CXCL16: variants seen among roughly 807,000 people sequenced by gnomAD.
CXCL16 encodes the protein C-X-C motif chemokine 16.
CXCL16 carries 18 observed loss-of-function variants against 23.8 expected under a neutral mutation model. The ratio of observed to expected loss-of-function variants is 0.76; its 90% CI spans 0.52 to 1.12. The LOEUF (loss-of-function observed/expected upper bound fraction) is 1.12. Among genes scored for constraint, CXCL16 ranks in the 50% most tolerant of loss-of-function variants. The probability of loss-of-function intolerance (pLI) is 0.00; values close to 1 mark genes in which losing one functional copy is unlikely to be tolerated. For synonymous variants in CXCL16, 123 were observed against 132.5 expected, an observed-to-expected ratio of 0.93 and a Z score of 0.49; for missense variants, 297 against 315.4, an observed-to-expected ratio of 0.94 and a Z score of 0.44.
At position 4,734,617 on chromosome 17, in the gene CXCL16, A is replaced by C; in HGVS notation, c.754T>G (p.Ser252Ala). 1 of 1,611,840 alleles carries C rather than the reference A, an allele frequency of 6.2e-7. No homozygotes were observed. Residue 252 changes from serine to alanine, a missense_variant, in exon 5 of 6, where the codon TCT (serine) becomes GCT (alanine). Ser to Ala is a moderately conservative substitution (Grantham distance 99). Coordinates refer to ENST00000293778, the MANE Select transcript of CXCL16 (RefSeq NM_001386809.1). ...CTTCCATTCTTGGCTCAGGTATTAG[A>C]GTCAGGTGCCACAGGTATATAATGA... ...PVHYIPVAPD[S>A]NT
Position 4,733,589 on chromosome 17 carries a change from AAAGC to A in CXCL16, c.*910_*913del, listed in dbSNP as rs1742839187. On this transcript the variant is annotated 3_prime_UTR_variant, in exon 6 of 6. Coordinates refer to ENST00000293778, the MANE Select transcript of CXCL16 (RefSeq NM_001386809.1). ...AATGATAATAAAAGCAATAATAATA[AAAGC>A]AATAACAATAAAAACAAGATCAGAC... 6.0e-6 allele frequency: 1 copy of A among 166,514 alleles called. No individual in the cohort carries two copies. The highest frequency in any genetic ancestry group is 6.0e-5 in the Admixed American group (1 of 16,530). The allele number at this position is 166,514 out of a possible 1,614,324, so 10.3% of individuals were successfully genotyped here.
At chr17:4,737,575 T>TGAAAAAAAAAAA (rs1916192010) in intron 3 of CXCL16, among the ~76,000 whole-genome samples, 1 of 42,038 alleles carries the variant, frequency 2.4e-5, no homozygotes, top group Non-Finnish European at 4.4e-5. Context: ...AAGACTCCAT[T>TGAAAAAAAAAAA]AAAAAAAAAA....
In CXCL16 at chr17:4,739,863, C is replaced by T; in HGVS notation, c.-524G>A. 1 of 986,482 alleles carries T rather than the reference C, an allele frequency of 1.0e-6. No homozygotes were observed. The highest frequency in any genetic ancestry group is 1.2e-6 in the Non-Finnish European group (1 of 830,720). 61.1% of individuals were successfully genotyped at this position (986,482 alleles called of 1,614,324 possible). On this transcript the variant is annotated 5_prime_UTR_variant, in exon 1 of 6. Coordinates refer to ENST00000293778, the MANE Select transcript of CXCL16 (RefSeq NM_001386809.1). This position sits in a 1 kb window ranked among gnomAD's most constrained non-coding sequence, Gnocchi z 5.3. ...CGCTGCATGAGCCTCCCGGGCGGCC[C>T]GGTGGAGAGAGTCGCCGCCAGCCCC...
intron 3 of CXCL16, among the ~76,000 whole-genome samples, chr17:4,736,919 G>A (rs1289806422): frequency 6.6e-6 from 1 of 152,104 alleles, no homozygotes; most frequent in Non-Finnish European, 1.5e-5. Context: ...CCAGGTTCAA[G>A]TGATTCTCCT....
At chr17:4,737,441 A>G (rs1195146515) in intron 3 of CXCL16, among the ~76,000 whole-genome samples, 1 of 149,420 alleles carries the variant, frequency 6.7e-6, no homozygotes, top group Non-Finnish European at 1.5e-5. Context: ...TTAGCTGGGC[A>G]TGGTGGCGGG....
chr17:4,739,669 G>T lies in CXCL16; in HGVS notation c.-330C>A. 1.4e-6 allele frequency: 1 copy of T among 694,886 alleles called. No individual in the cohort carries two copies. The highest frequency in any genetic ancestry group is 2.1e-6 in the Non-Finnish European group (1 of 468,968). 43.0% of individuals were successfully genotyped at this position (694,886 alleles called of 1,614,324 possible). A position where few individuals can be genotyped will look rare whatever the true frequency, so the allele number is the denominator to read the frequency against. ...GAAACCGAAAGAAAACTCCGGCGGCGGGCGAGGAGGGGCGGGAGGACGACG... is the reference window on the plus strand; with the variant it reads ...GAAACCGAAAGAAAACTCCGGCGGCTGGCGAGGAGGGGCGGGAGGACGACG... On this transcript the variant is annotated 5_prime_UTR_variant, in exon 1 of 6. Coordinates refer to ENST00000293778, the MANE Select transcript of CXCL16 (RefSeq NM_001386809.1). This position sits in a 1 kb window ranked among gnomAD's most constrained non-coding sequence, Gnocchi z 5.3.
intron 4 of CXCL16, 148 bp downstream of exon 4, chr17:4,734,944 C>A: frequency 1.3e-6 from 1 of 783,204 alleles, no homozygotes; most frequent in Non-Finnish European, 2.0e-6. Context: ...ACTGACTGTC[C>A]TCAGAGGGCC....
At position 4,735,209 on chromosome 17, in the gene CXCL16, T is replaced by A; in HGVS notation, c.601A>T (p.Arg201Trp). Residue 201 changes from arginine to tryptophan, a missense_variant, in exon 4 of 6, where the codon AGG becomes TGG. Coordinates refer to ENST00000293778, the MANE Select transcript of CXCL16 (RefSeq NM_001386809.1). Reference sequence around the variant, plus strand: ...AGGACTGGCACTGTGGCTGATGTCCTGGCTGTGGGACCAGCATTTTTTTCC... The same window carrying A: ...AGGACTGGCACTGTGGCTGATGTCCAGGCTGTGGGACCAGCATTTTTTTCC... ...QPEKNAGPTA[R>W]TSATVPVLCL... 1 of 1,614,180 alleles carries A rather than the reference T, an allele frequency of 6.2e-7. No individual in the cohort carries two copies. The highest frequency in any genetic ancestry group is 8.5e-7 in the Non-Finnish European group (1 of 1,180,006).
Position 4,739,672 on chromosome 17 carries a change from C to T in CXCL16, c.-333G>A. On this transcript the variant is annotated 5_prime_UTR_variant, in exon 1 of 6. Transcript: ENST00000293778. This position sits in a 1 kb window ranked among gnomAD's most constrained non-coding sequence, Gnocchi z 5.3. ...ACCGAAAGAAAACTCCGGCGGCGGG[C>T]GAGGAGGGGCGGGAGGACGACGGCC... is the stretch of plus-strand genomic sequence containing the variant. 1.4e-6 allele frequency: 1 copy of T among 700,778 alleles called. No individual in the cohort carries two copies. The highest frequency in any genetic ancestry group is 2.1e-6 in the Non-Finnish European group (1 of 476,238). The allele number at this position is 700,778 out of a possible 1,614,324, so 43.4% of individuals were successfully genotyped here. A position where few individuals can be genotyped will look rare whatever the true frequency, so the allele number is the denominator to read the frequency against.
chr17:4,739,617 G>C lies in CXCL16; in HGVS notation c.-278C>G. On this transcript the variant is annotated 5_prime_UTR_variant, in exon 1 of 6. Coordinates refer to ENST00000293778, the MANE Select transcript of CXCL16 (RefSeq NM_001386809.1). This position sits in a 1 kb window ranked among gnomAD's most constrained non-coding sequence, Gnocchi z 5.3. The stretch of plus-strand genomic sequence containing the variant: ...GCGCCCCCGCACTGGGCCCGGCTCC[G>C]TCGAGGGAAGGCCAGGAATCTTGGA... The C allele has an allele frequency of 3.0e-6, 2 of 668,524 alleles. No homozygotes were observed. Among genetic ancestry groups the C allele is most frequent in the Non-Finnish European group, 4.7e-6 (2 of 427,396 alleles). The allele number at this position is 668,524 out of a possible 1,614,324, so 41.4% of individuals were successfully genotyped here. A position where few individuals can be genotyped will look rare whatever the true frequency, so the allele number is the denominator to read the frequency against.
chr17:4,737,592 A>G (rs1291743885), intron 3 of CXCL16, among the ~76,000 whole-genome samples: 1 of 148,820 alleles, frequency 6.7e-6, no homozygotes. Context: ...AAAAAAAAAA[A>G]AAAAAAAGAA....
In CXCL16 at chr17:4,738,963, G is replaced by A. The variant is rs1204625776; in HGVS notation, c.80-43C>T. 5 of 1,603,756 alleles carry A rather than the reference G, an allele frequency of 3.1e-6. No homozygotes were observed. Among genetic ancestry groups the A allele is most frequent in the Middle Eastern group, 3.3e-4 (2 of 6,000 alleles). On this transcript the variant is annotated intron_variant, in intron 1 of 5. Transcript: ENST00000293778. This position sits in a 1 kb window ranked among gnomAD's most constrained non-coding sequence, Gnocchi z 4.0. ...GGTCGGCACCCATTCCCAGGCCCAG[G>A]GTCCCCACTCCGCTGTTCCCTGGCA...
Position 4,735,427 on chromosome 17 carries a change from T to A in CXCL16, c.383A>T (p.Glu128Val). ...PTSPPISQASEGASSDIHTPA... is the reference protein window; with the variant it reads ...PTSPPISQASVGASSDIHTPA... ...GGTGTGGATATCTGAAGATGCCCCCTCTGAGGCCTGAGAAATTGGGGGGCT... is the reference window on the plus strand; with the variant it reads ...GGTGTGGATATCTGAAGATGCCCCCACTGAGGCCTGAGAAATTGGGGGGCT... The change falls in exon 4 of 6, where the codon GAG becomes GTG. Residue 128 changes from glutamate to valine, a missense_variant. Glu to Val is a moderately radical substitution (Grantham distance 121, BLOSUM62 -2). Coordinates refer to ENST00000293778, the MANE Select transcript of CXCL16 (RefSeq NM_001386809.1). 3 of 1,526,698 alleles carry A rather than the reference T, an allele frequency of 2.0e-6. No individual in the cohort carries two copies. The highest frequency in any genetic ancestry group is 2.6e-6 in the Non-Finnish European group (3 of 1,132,878). The allele number at this position is 1,526,698 out of a possible 1,614,324, so 94.6% of individuals were successfully genotyped here.
At position 4,734,539 on chromosome 17, in the gene CXCL16, A is replaced by G. The variant is rs1916093150; in HGVS notation, c.*23+44T>C. On this transcript the variant is annotated intron_variant, in intron 5 of 5. Coordinates refer to ENST00000293778, the MANE Select transcript of CXCL16 (RefSeq NM_001386809.1). ...AGTGCCTACCATGTTGTCAGGGGTC[A>G]GTCTCCTTTATTACACTTTTTGTAA... 5 of 1,292,920 alleles carry G rather than the reference A, an allele frequency of 3.9e-6. No individual in the cohort carries two copies. The East Asian group carries it at 1.2e-4, about 30-fold the overall frequency. The allele number at this position is 1,292,920 out of a possible 1,614,324, so 80.1% of individuals were successfully genotyped here.
At chr17:4,734,517 G>A in intron 5 of CXCL16, 38 bp from the exon 6 acceptor site, 1 of 1,050,610 alleles carries the variant, frequency 9.5e-7, no homozygotes, top group South Asian at 1.3e-5. Flanking sequence ...TGTATACAGT[G>A]CCTACCATGT....
chr17:4,738,622 G>A lies in CXCL16; in HGVS notation c.219-132C>T. On this transcript the variant is annotated intron_variant, in intron 2 of 5. Transcript: ENST00000293778. The surrounding 1 kb of genome is among the most constrained non-coding windows in gnomAD (Gnocchi z 4.0). ...GGGACTGGGAAACTCCCCAGTAGGT[G>A]AGACGGAGTCATGAAGTTTCGGGGA... 4.0e-6 allele frequency: 4 copies of A among 991,928 alleles called. No homozygotes were observed. The East Asian group carries it at 7.7e-5, about 19-fold the overall frequency. 61.4% of individuals were successfully genotyped at this position (991,928 alleles called of 1,614,324 possible).
chr17:4,739,026 C>A lies in CXCL16; in HGVS notation c.80-106G>T. 7.1e-7 allele frequency: 1 copy of A among 1,416,642 alleles called. No homozygotes were observed. The highest frequency in any genetic ancestry group is 9.5e-7 in the Non-Finnish European group (1 of 1,047,842). The allele number at this position is 1,416,642 out of a possible 1,614,324, so 87.8% of individuals were successfully genotyped here. A position where few individuals can be genotyped will look rare whatever the true frequency, so the allele number is the denominator to read the frequency against. On this transcript the variant is annotated intron_variant, in intron 1 of 5. Coordinates refer to ENST00000293778, the MANE Select transcript of CXCL16 (RefSeq NM_001386809.1). This position sits in a 1 kb window ranked among gnomAD's most constrained non-coding sequence, Gnocchi z 5.3. ...CCCCATGACAGCCTCTCGGTGGACCCAGGGTCAGAGCGCCAGGCTCAACCC... is the reference window on the plus strand; with the variant it reads ...CCCCATGACAGCCTCTCGGTGGACCAAGGGTCAGAGCGCCAGGCTCAACCC...
At position 4,734,342 on chromosome 17, in the gene CXCL16, C is replaced by A. The variant is rs982106990; in HGVS notation, c.*161G>T. The A allele has an allele frequency of 5.3e-6, 2 of 375,712 alleles. No individual in the cohort carries two copies. Among genetic ancestry groups the A allele is most frequent in the African/African-American group, 2.1e-5 (1 of 48,128 alleles). The allele number at this position is 375,712 out of a possible 1,614,324, so 23.3% of individuals were successfully genotyped here. On this transcript the variant is annotated 3_prime_UTR_variant, in exon 6 of 6. Transcript: ENST00000293778. ...AAGAGAGGGCAGTGGCTGGTTAGTC[C>A]TATGTTAGATATTAACAAATACGTG...
At chr17:4,735,570 G>C (rs1211466519) in intron 3 of CXCL16, 62 bp from the exon 4 acceptor site, 1 of 1,361,478 alleles carries the variant, frequency 7.3e-7, no homozygotes, top group Non-Finnish European at 9.8e-7. Context: ...AGCAGATAGA[G>C]GTGTAGGGGA....
Sources: allele counts gnomAD v4.1 joint callset (sites outside exome capture counted in the v4.1 genomes callset), GRCh38; gene constraint gnomAD v4.1.1; non-coding constraint Gnocchi (gnomAD v3.1); transcripts MANE v1.5; gene names NCBI Gene and HGNC (gene_info 2026-07-23, HGNC 2026-07-21).